Variants in FHAD1 observed in about 807,000 individuals in gnomAD.
FHAD1 encodes forkhead associated phosphopeptide binding domain 1.
FHAD1 carries 146 observed loss-of-function variants against 191.3 expected under a neutral mutation model. The observed-to-expected ratio is 0.76, with a 90% CI of 0.67 to 0.88. The LOEUF (loss-of-function observed/expected upper bound fraction) is 0.88. Among genes scored for constraint, FHAD1 ranks in the 40% least tolerant of loss-of-function variants. FHAD1 has a pLI of 0.00. For missense variants in FHAD1, 1,635 were observed against 1,785.8 expected (o/e 0.92, Z 1.52); for synonymous variants, 616 against 672.3 (o/e 0.92, Z 1.29).
chr1:15,338,719 T>C (rs1685285468), intron 14 of FHAD1, among the ~76,000 whole-genome samples: 1 of 152,148 alleles, frequency 6.6e-6, no homozygotes. Context: ...CAAGTGGTCT[T>C]ACTCGCTCAC....
intron 33 of FHAD1, among the ~76,000 whole-genome samples, chr1:15,393,422 A>ACACACATG (rs1704824694): frequency 7.9e-6 from 1 of 127,316 alleles, no homozygotes; most frequent in South Asian, 2.4e-4. Flanking sequence ...GTGGACACAC[A>ACACACATG]CACACACGCA....
Position 15,394,411 on chromosome 1 carries a change from T to C in FHAD1, c.4324-2886T>C, listed in dbSNP as rs567020211. Among the ~76,000 whole-genome samples the C allele has an allele frequency of 9.9e-5, 15 of 152,114 alleles. No homozygotes were observed. In the East Asian group the frequency reaches 2.7e-3, roughly 27 times the overall value. ...AATGAAAAGGAATATAAAGTAAGGG[T>C]TGTTTAGGGGGGAAGGCTTTTGAGT... On this transcript the variant is annotated intron_variant, in intron 33 of 33. Coordinates refer to ENST00000688493, the MANE Select transcript of FHAD1 (RefSeq NM_001391957.1).
intron 3 of FHAD1, among the ~76,000 whole-genome samples, chr1:15,285,785 G>A (rs1662224249): frequency 1.3e-5 from 2 of 152,178 alleles, no homozygotes; most frequent in Non-Finnish European, 2.9e-5. Flanking sequence ...TAGCCAAGAG[G>A]TGAATGCAGC....
intron 24 of FHAD1, 98 bp from the exon 25 acceptor site, chr1:15,367,365 G>A (rs113990943): frequency 0.016 from 21,582 of 1,332,360 alleles, 303 homozygotes; most frequent in African/African-American, 0.064. Context: ...TCGTGGTGGC[G>A]CATGCCCGTA....
chr1:15,284,186 G>C (rs546106131), intron 3 of FHAD1, among the ~76,000 whole-genome samples: 3 of 152,318 alleles, frequency 2.0e-5, no homozygotes, highest in Admixed American at 6.5e-5. Flanking sequence ...AAAGCCAAGT[G>C]GTAAGAATTG....
chr1:15,402,358 A>G, downstream of FHAD1, among the ~76,000 whole-genome samples: 1 of 151,984 alleles, frequency 6.6e-6, no homozygotes, highest in East Asian at 1.9e-4. Context: ...ATTATACTTT[A>G]AGTTTTAGGG....
At chr1:15,287,850 C>T (rs1198590109) in intron 3 of FHAD1, among the ~76,000 whole-genome samples, 1 of 152,138 alleles carries the variant, frequency 6.6e-6, no homozygotes, top group Non-Finnish European at 1.5e-5. Context: ...TGAAACCCAG[C>T]TGAAGTTCTA....
At chr1:15,241,719 A>C (rs973909020) in intron 1 of FHAD1, among the ~76,000 whole-genome samples, 4 of 152,174 alleles carry the variant, frequency 2.6e-5, no homozygotes, top group Middle Eastern at 6.8e-3. Context: ...AGCAGTCAGG[A>C]TAGGGGCTAC....
chr1:15,253,004 A>G (rs1481441160), intron 2 of FHAD1, among the ~76,000 whole-genome samples: 3 of 152,190 alleles, frequency 2.0e-5, no homozygotes, highest in Non-Finnish European at 4.4e-5. Context: ...GACTTTTTTA[A>G]CCCTTCATTT....
rs780254638 is a variant in FHAD1 at position 15,260,263 on chromosome 1, G to A, written c.93+8386G>A. ...CCAGGCAAGTTACCCAGCCATTCTC[G>A]GCTGCAACTTCTGTGTGTGTATGGT... On this transcript the variant is annotated intron_variant, in intron 2 of 33. Transcript: ENST00000688493. 3.3e-5 allele frequency among the ~76,000 whole-genome samples: 5 copies of A among 152,276 alleles called. No individual in the cohort carries two copies. The East Asian group carries it at 5.8e-4, about 18-fold the overall frequency.
chr1:15,300,545 A>T lies in FHAD1; in HGVS notation c.679-660A>T, dbSNP rs539454075. Among the ~76,000 whole-genome samples the T allele has an allele frequency of 6.6e-5, 10 of 152,302 alleles. No individual in the cohort carries two copies. In the East Asian group the frequency reaches 1.9e-3, roughly 29 times the overall value. On this transcript the variant is annotated intron_variant, in intron 5 of 33. Coordinates refer to ENST00000688493, the MANE Select transcript of FHAD1 (RefSeq NM_001391957.1). ...TTAATTACCTTTCCTTCGTCCCCAG[A>T]TGTTAGACTGAGGCCTGGTAAGTTG...
chr1:15,365,462 A>T (rs1348438140), intron 23 of FHAD1, among the ~76,000 whole-genome samples: 1 of 144,028 alleles, frequency 6.9e-6, no homozygotes, highest in Non-Finnish European at 1.5e-5. Flanking sequence ...CAACAGCCAC[A>T]CACCACTATG....
intron 5 of FHAD1, among the ~76,000 whole-genome samples, chr1:15,297,003 G>A (rs965684843): frequency 6.6e-6 from 1 of 152,254 alleles, no homozygotes; most frequent in African/African-American, 2.4e-5. Flanking sequence ...GAGCTGGACT[G>A]TGTCCTGTGC....
intron 2 of FHAD1, among the ~76,000 whole-genome samples, chr1:15,252,997 T>C (rs1000022013): frequency 2.0e-4 from 31 of 152,192 alleles, no homozygotes; most frequent in African/African-American, 7.2e-4. Flanking sequence ...CTCAATAGAC[T>C]TTTTTAACCC....
chr1:15,400,962 T>G (rs115937773), downstream of FHAD1, among the ~76,000 whole-genome samples: 676 of 152,348 alleles, frequency 4.4e-3, 6 homozygotes, highest in African/African-American at 0.015. Flanking sequence ...ACATTGGGTT[T>G]TCTGCTATTT....
chr1:15,362,019 A>G (rs1050167143), intron 22 of FHAD1, among the ~76,000 whole-genome samples: 15 of 147,430 alleles, frequency 1.0e-4, no homozygotes, highest in Admixed American at 4.1e-4. Context: ...AAAAAAAAGA[A>G]AGAGAGAGAT....
At chr1:15,245,495 G>C (rs1021406011), upstream of FHAD1, among the ~76,000 whole-genome samples, 1 of 152,216 alleles carries the variant, frequency 6.6e-6, no homozygotes, top group African/African-American at 2.4e-5. Flanking sequence ...AGGCAAAGGA[G>C]ACTCTTGAGG....
chr1:15,394,427 G>C (rs1051023083), intron 33 of FHAD1, among the ~76,000 whole-genome samples: 1 of 152,184 alleles, frequency 6.6e-6, no homozygotes, highest in Non-Finnish European at 1.5e-5. Context: ...AGGGGGGAAG[G>C]CTTTTGAGTT....
intron 31 of FHAD1, among the ~76,000 whole-genome samples, chr1:15,385,383 G>T (rs921834613): frequency 1.3e-5 from 2 of 151,918 alleles, no homozygotes; most frequent in Admixed American, 6.6e-5. Flanking sequence ...TCTGGGAAAC[G>T]AAATTACTCA....
Sources: gnomAD v4.1 joint callset for allele counts (sites outside exome capture counted in the v4.1 genomes callset) on GRCh38, gnomAD v4.1.1 for gene constraint, MANE v1.5 for transcripts, NCBI Gene and HGNC (gene_info 2026-07-23, HGNC 2026-07-21) for gene names.